Variants in IFT57 observed in about 807,000 individuals in gnomAD.
IFT57 encodes intraflagellar transport 57.
In IFT57, 59 loss-of-function variants were observed where a neutral mutation model predicts 56.8. The ratio of observed to expected loss-of-function variants is 1.04; its 90% CI spans 0.84 to 1.29. IFT57 has a LOEUF of 1.29. Ranked by LOEUF, IFT57 falls within the 50% of genes most tolerant of loss-of-function variation. The pLI, the probability that IFT57 is intolerant of heterozygous loss-of-function variation, is 0.00. For missense variants in IFT57, 470 were observed against 522.1 expected (o/e 0.90, Z 0.97); for synonymous variants, 209 against 186.1 (o/e 1.12, Z -1.00).
intron 3 of IFT57, 61 bp from the exon 4 acceptor site, chr3:108,214,082 A>G (rs2080357953): frequency 2.1e-6 from 2 of 946,356 alleles, no homozygotes; most frequent in Non-Finnish European, 3.3e-6. Flanking sequence ...CAAAAAAATC[A>G]TAATGCAAAT....
At chr3:108,205,810 G>A (rs1166647416) in intron 5 of IFT57, among the ~76,000 whole-genome samples, 1 of 117,860 alleles carries the variant, frequency 8.5e-6, no homozygotes, top group South Asian at 2.5e-4. Flanking sequence ...AAATATTATA[G>A]CATATTATAT....
At position 108,184,101 on chromosome 3, in the gene IFT57, T is replaced by G. The variant is rs12695180; in HGVS notation, c.777+7420A>C. Reference sequence around the variant, plus strand: ...AGTTTAGGCATCCTCAGACAGTCAGTTTCTAAGAAATGGACTCCTGAGCCA... The same window carrying G: ...AGTTTAGGCATCCTCAGACAGTCAGGTTCTAAGAAATGGACTCCTGAGCCA... On this transcript the variant is annotated intron_variant, in intron 6 of 10. Transcript: ENST00000264538. 4.6e-3 allele frequency among the ~76,000 whole-genome samples: 705 copies of G among 152,268 alleles called. 3 individuals are homozygous for G. The highest frequency in any genetic ancestry group is 0.016 in the African/African-American group (668 of 41,548).
In IFT57 at chr3:108,162,089, GCACTT is replaced by G. The variant is rs2080036423; in HGVS notation, c.*383_*387del. The G allele has an allele frequency of 6.5e-6, 1 of 154,722 alleles. No homozygotes were observed. The highest frequency in any genetic ancestry group is 1.4e-5 in the Non-Finnish European group (1 of 69,914). The allele number at this position is 154,722 out of a possible 1,614,324, so 9.6% of individuals were successfully genotyped here. A position where few individuals can be genotyped will look rare whatever the true frequency, so the allele number is the denominator to read the frequency against. On this transcript the variant is annotated 3_prime_UTR_variant, in exon 11 of 11. Transcript: ENST00000264538. ...ATCTTCAGTGGCCTCTGGGCACAAA[GCACTT>G]ATGATCACTGCAGAGGTGGAGCAAG...
chr3:108,212,606 C>T (rs374730262), intron 4 of IFT57, among the ~76,000 whole-genome samples: 1 of 152,138 alleles, frequency 6.6e-6, no homozygotes, highest in African/African-American at 2.4e-5. Flanking sequence ...ACTTACCCAG[C>T]GCCTCAAGTA....
intron 8 of IFT57, 138 bp from the exon 9 acceptor site, chr3:108,165,631 G>A: frequency 1.4e-6 from 1 of 699,362 alleles, no homozygotes; most frequent in Non-Finnish European, 2.6e-6. Flanking sequence ...ATTTGTGAAA[G>A]TGACATTTAA....
chr3:108,203,776 A>G (rs2080292978), intron 5 of IFT57, among the ~76,000 whole-genome samples: 3 of 152,240 alleles, frequency 2.0e-5, no homozygotes, highest in Non-Finnish European at 4.4e-5. Flanking sequence ...ATTAATAAAT[A>G]TAATGCAATA....
chr3:108,186,881 T>A (rs888839984), intron 6 of IFT57, among the ~76,000 whole-genome samples: 24 of 152,186 alleles, frequency 1.6e-4, no homozygotes, highest in South Asian at 1.0e-3. Context: ...ATATATTTTC[T>A]CCTCCTTATG....
At chr3:108,165,328 C>A in intron 9 of IFT57, 103 bp downstream of exon 9, 2 of 831,022 alleles carry the variant, frequency 2.4e-6, no homozygotes, top group Non-Finnish European at 2.1e-6. Context: ...GATTTAAAGG[C>A]ACAGGAAGCA....
Position 108,191,624 on chromosome 3 carries a change from T to C in IFT57, c.674A>G (p.Lys225Arg). The C allele has an allele frequency of 6.2e-7, 1 of 1,608,548 alleles. No homozygotes were observed. Among genetic ancestry groups the C allele is most frequent in the Non-Finnish European group, 8.5e-7 (1 of 1,176,592 alleles). The change falls in exon 6 of 11, where the codon AAA becomes AGA. Residue 225 changes from lysine (K) to arginine (R), a missense_variant. Transcript: ENST00000264538. The stretch of plus-strand genomic sequence containing the variant: ...TGTGGATTCCAAAATATCTTCTTGT[T>C]TGGCAGTCTCGTTCATATCCTAAGA... ...TYHLDMNETA[K>R]QEDILESTTD...
chr3:108,194,098 C>T (rs1052835348), intron 5 of IFT57, among the ~76,000 whole-genome samples: 1 of 152,152 alleles, frequency 6.6e-6, no homozygotes, highest in Non-Finnish European at 1.5e-5. Context: ...AGCAGCAGTT[C>T]TGAGTGATTC....
intron 5 of IFT57, among the ~76,000 whole-genome samples, chr3:108,204,324 A>G (rs1049841104): frequency 6.6e-6 from 1 of 151,864 alleles, no homozygotes; most frequent in African/African-American, 2.4e-5. Flanking sequence ...GTTATGTTAT[A>G]TAATTTTTGT....
chr3:108,179,500 C>T (rs540153476), intron 6 of IFT57, among the ~76,000 whole-genome samples: 14 of 151,978 alleles, frequency 9.2e-5, no homozygotes, highest in African/African-American at 3.4e-4. Context: ...AGAAAATCCT[C>T]CCTTCCCTAA....
intron 5 of IFT57, among the ~76,000 whole-genome samples, chr3:108,199,584 T>C (rs577111269): frequency 6.6e-6 from 1 of 152,330 alleles, no homozygotes; most frequent in East Asian, 1.9e-4. Flanking sequence ...AATATGAATT[T>C]TGTCCTCCAG....
chr3:108,163,230 C>T (rs9864438), intron 10 of IFT57, among the ~76,000 whole-genome samples: 2 of 152,066 alleles, frequency 1.3e-5, no homozygotes, highest in Non-Finnish European at 2.9e-5. Context: ...TTGACCCCTG[C>T]CCAGTCAGTT....
In IFT57 at chr3:108,161,084, C is replaced by T. The variant is rs2080029427; in HGVS notation, c.*1393G>A. ...TGAATTCATCAAAAAACTACTCAGCCATGACAACAGCCATGAAAATAAATT... is the reference window on the plus strand; with the variant it reads ...TGAATTCATCAAAAAACTACTCAGCTATGACAACAGCCATGAAAATAAATT... On this transcript the variant is annotated 3_prime_UTR_variant, in exon 11 of 11. Coordinates refer to ENST00000264538, the MANE Select transcript of IFT57 (RefSeq NM_018010.4). The T allele has an allele frequency of 6.6e-6, 1 of 152,108 alleles. No individual in the cohort carries two copies. The highest frequency in any genetic ancestry group is 1.5e-5 in the Non-Finnish European group (1 of 68,018). The allele number at this position is 152,108 out of a possible 1,614,324, so 9.4% of individuals were successfully genotyped here.
intron 6 of IFT57, among the ~76,000 whole-genome samples, chr3:108,178,327 C>G (rs1002934268): frequency 6.6e-6 from 1 of 151,668 alleles, no homozygotes; most frequent in African/African-American, 2.4e-5. Flanking sequence ...AACAATAAAG[C>G]TTAAAAAAGA....
intron 6 of IFT57, among the ~76,000 whole-genome samples, chr3:108,181,604 T>C (rs62262378): frequency 0.092 from 13,950 of 152,228 alleles, 703 homozygotes; most frequent in Middle Eastern, 0.12. Flanking sequence ...TTTATTTTAA[T>C]AGCATTCACC....
At chr3:108,214,208 C>T (rs2080358541) in intron 3 of IFT57, among the ~76,000 whole-genome samples, 187 bp from the exon 4 acceptor site, 1 of 151,994 alleles carries the variant, frequency 6.6e-6, no homozygotes. Flanking sequence ...TGTTTATCTC[C>T]AAATTTATAA....
At position 108,162,487 on chromosome 3, in the gene IFT57, C is replaced by A; in HGVS notation, c.1280G>T (p.Gly427Val). ...HATVIPEPAT[G>V]FY ...GAAAACCAGTATGTTTTAATAAAAG[C>A]CTGTTGCTGGTTCTGGAATAACTGT... Residue 427 changes from glycine to valine, a missense_variant, in exon 11 of 11, where the codon GGC becomes GTC. Transcript: ENST00000264538. 6 of 1,596,028 alleles carry A rather than the reference C, an allele frequency of 3.8e-6. No homozygotes were observed. Among genetic ancestry groups the A allele is most frequent in the Non-Finnish European group, 5.1e-6 (6 of 1,170,802 alleles).
Sources: gnomAD v4.1 joint callset for allele counts (sites outside exome capture counted in the v4.1 genomes callset) on GRCh38, gnomAD v4.1.1 for gene constraint, MANE v1.5 for transcripts, NCBI Gene and HGNC (gene_info 2026-07-23, HGNC 2026-07-21) for gene names.